The following ABCB1 variants were observed in gnomAD, a reference collection of about 807,000 sequenced individuals.
ABCB1 encodes ATP-dependent translocase ABCB1.
Under a neutral mutation model 142.0 loss-of-function variants are expected in ABCB1, and 69 were observed. That is an observed-to-expected ratio of 0.49 (90% CI 0.40 to 0.59). The LOEUF (loss-of-function observed/expected upper bound fraction) is 0.59. Ranked by LOEUF, ABCB1 falls within the 20% of genes least tolerant of loss-of-function variation. The pLI is 0.00. For missense variants in ABCB1, 1,326 were observed against 1,554.7 expected, an observed-to-expected ratio of 0.85 and a Z score of 2.47; for synonymous variants, 532 against 539.2, an observed-to-expected ratio of 0.99 and a Z score of 0.18.
chr7:87,682,235 A>G (rs1826997012), intron 1 of ABCB1, among the ~76,000 whole-genome samples: 2 of 152,182 alleles, frequency 1.3e-5, no homozygotes. Flanking sequence ...GACTCCTTCC[A>G]CCAAAGTCTT....
Position 87,666,569 on chromosome 7 carries a change from T to C in ABCB1, c.-331+46592A>G, listed in dbSNP as rs548075580. ...TTTTCATGAAATCTCTGCCCATTCCTATGTCCAGGATGGTATTTCCTATGT... is the reference window on the plus strand; with the variant it reads ...TTTTCATGAAATCTCTGCCCATTCCCATGTCCAGGATGGTATTTCCTATGT... On this transcript the variant is annotated intron_variant, in intron 1 of 28. Coordinates refer to the ABCB1 transcript ENST00000265724. Among the ~76,000 whole-genome samples, 21 of 152,308 alleles carry C rather than the reference T, an allele frequency of 1.4e-4. No individual in the cohort carries two copies. The East Asian group carries it at 3.9e-3, about 28-fold the overall frequency.
chr7:87,546,540 A>G (rs1254504132), intron 14 of ABCB1, among the ~76,000 whole-genome samples: 3 of 151,696 alleles, frequency 2.0e-5, no homozygotes, highest in African/African-American at 7.3e-5. Context: ...TGGGTGACAG[A>G]GTGAGACTCC....
At chr7:87,673,005 C>A (rs893271325) in intron 1 of ABCB1, among the ~76,000 whole-genome samples, 1 of 152,206 alleles carries the variant, frequency 6.6e-6, no homozygotes, top group Non-Finnish European at 1.5e-5. Flanking sequence ...GACTACTCCC[C>A]TGGAATTCCT....
rs770620028 is a variant in ABCB1, at chr7:87,505,925, G to C, written c.3608C>G (p.Thr1203Arg). ...TTCACTTTCTGTATCCAGAGCTGAC[G>C]TGGCTTCATCCAAAAGCAAAATATG... ...QPHILLLDEA[T>R]SALDTESEKV... Residue 1203 changes from threonine to arginine, a missense_variant, in exon 27 of 28, where the codon ACG becomes AGG. By Grantham distance (71) the Thr-to-Arg change is moderately conservative. Transcript: ENST00000622132. 1 of 1,614,130 alleles carries C rather than the reference G, an allele frequency of 6.2e-7. No homozygotes were observed. Among genetic ancestry groups the C allele is most frequent in the East Asian group, 2.2e-5 (1 of 44,884 alleles).
intron 26 of ABCB1, 85 bp downstream of exon 26, chr7:87,509,190 T>C (rs2117066349): frequency 7.1e-7 from 1 of 1,406,292 alleles, no homozygotes; most frequent in Non-Finnish European, 1.0e-6. Context: ...TCTTCACTTC[T>C]GGGAGACCAG....
intron 3 of ABCB1, among the ~76,000 whole-genome samples, chr7:87,587,743 C>T (rs763735490): frequency 4.3e-4 from 65 of 152,018 alleles, no homozygotes; most frequent in Middle Eastern, 6.8e-3. Flanking sequence ...GATGTGGTGG[C>T]AGGCGCCTGT....
chr7:87,534,878 G>A (rs997710732), intron 20 of ABCB1, among the ~76,000 whole-genome samples: 1 of 141,032 alleles, frequency 7.1e-6, no homozygotes, highest in Non-Finnish European at 1.5e-5. Context: ...TCATGCCACT[G>A]CAGTCTGGCC....
chr7:87,595,654 C>G, intron 3 of ABCB1, 112 bp downstream of exon 3: 1 of 837,152 alleles, frequency 1.2e-6, no homozygotes, highest in South Asian at 1.5e-5. Context: ...TTTTGCATCT[C>G]CATTAACATA....
At chr7:87,642,477 T>C (rs1822553878) in intron 1 of ABCB1, among the ~76,000 whole-genome samples, 1 of 152,132 alleles carries the variant, frequency 6.6e-6, no homozygotes, top group Non-Finnish European at 1.5e-5. Flanking sequence ...TCCAAGTATA[T>C]AAAGTGTTCT....
chr7:87,607,706 C>T (rs568403626), intron 1 of ABCB1, among the ~76,000 whole-genome samples: 3 of 151,416 alleles, frequency 2.0e-5, no homozygotes, highest in African/African-American at 7.3e-5. Flanking sequence ...TGTGCGCCAC[C>T]TTGCCTGGCT....
At position 87,549,914 on chromosome 7, in the gene ABCB1, C is replaced by T; in HGVS notation, c.1491G>A (p.Met497Ile). The change falls in exon 13 of 28, where the codon ATG becomes ATA. Residue 497 changes from methionine (M) to isoleucine (I), a missense_variant. Coordinates refer to ENST00000622132, the MANE Select transcript of ABCB1 (RefSeq NM_001348946.2). ...NIRYGRENVT[M>I]DEIEKAVKEA... is the part of the protein sequence containing the mutation. ...CCTTGACAGCTTTCTCAATCTCATCCATGGTGACATTTTCACGGCCATAGC... is the reference window on the plus strand; with the variant it reads ...CCTTGACAGCTTTCTCAATCTCATCTATGGTGACATTTTCACGGCCATAGC... The T allele has an allele frequency of 6.2e-7, 1 of 1,614,190 alleles. No homozygotes were observed. The highest frequency in any genetic ancestry group is 1.1e-5 in the South Asian group (1 of 91,080).
intron 1 of ABCB1, among the ~76,000 whole-genome samples, chr7:87,640,201 T>C (rs1250574376): frequency 6.7e-6 from 1 of 149,430 alleles, no homozygotes; most frequent in Admixed American, 6.7e-5. Context: ...TGTATATATA[T>C]ATATATATTA....
intron 3 of ABCB1, among the ~76,000 whole-genome samples, chr7:87,594,275 G>A (rs1400668828): frequency 2.0e-5 from 3 of 152,080 alleles, no homozygotes; most frequent in Admixed American, 1.3e-4. Context: ...TGTAAAACTG[G>A]AATAATAATA....
Position 87,516,498 on chromosome 7 carries a change from A to C in ABCB1, c.3084+11T>G. Reference sequence around the variant, plus strand: ...CAGGAGTAGATCAAACAGTTGAAACATCAAACTCACCGGCATTAGGCCTTC... The same window carrying C: ...CAGGAGTAGATCAAACAGTTGAAACCTCAAACTCACCGGCATTAGGCCTTC... On this transcript the variant is annotated intron_variant, in intron 24 of 27. Transcript: ENST00000622132. 1 of 1,614,178 alleles carries C rather than the reference A, an allele frequency of 6.2e-7. No homozygotes were observed. The highest frequency in any genetic ancestry group is 8.5e-7 in the Non-Finnish European group (1 of 1,180,000).
At chr7:87,588,978 C>G (rs746778190) in intron 3 of ABCB1, among the ~76,000 whole-genome samples, 3 of 152,070 alleles carry the variant, frequency 2.0e-5, no homozygotes. Flanking sequence ...CTTTGCCCAT[C>G]TTTTTATTGG....
intron 1 of ABCB1, among the ~76,000 whole-genome samples, chr7:87,631,054 G>A (rs1257958416): frequency 6.6e-6 from 1 of 152,136 alleles, no homozygotes; most frequent in Non-Finnish European, 1.5e-5. Context: ...CATAGATTTA[G>A]TGTAATAGCT....
intron 1 of ABCB1, among the ~76,000 whole-genome samples, chr7:87,684,071 C>T (rs1827203556): frequency 6.6e-6 from 1 of 152,092 alleles, no homozygotes; most frequent in African/African-American, 2.4e-5. Context: ...CATAGAAAAG[C>T]ATTTGACAAA....
intron 1 of ABCB1, among the ~76,000 whole-genome samples, chr7:87,613,019 T>TG (rs1007800116): frequency 8.3e-4 from 125 of 151,244 alleles, no homozygotes; most frequent in African/African-American, 3.0e-3. Context: ...GGGTTTTTTT[T>TG]TTTTTTTTAA....
Position 87,545,979 on chromosome 7 carries a change from T to C in ABCB1, c.1771A>G (p.Thr591Ala), listed in dbSNP as rs764459400. 56 of 1,614,026 alleles carry C rather than the reference T, an allele frequency of 3.5e-5. No homozygotes were observed. The South Asian group carries it at 6.0e-4, about 17-fold the overall frequency. ...GCGATGACGTCAGCATTACGAACTG[T>C]AGACAAACGATGAGCTATCACAATG... is the stretch of plus-strand genomic sequence containing the variant. ...TTIVIAHRLSTVRNADVIAGF... is the reference protein window; with the variant it reads ...TTIVIAHRLSAVRNADVIAGF... Residue 591 changes from threonine to alanine, a missense_variant, in exon 15 of 28, where the codon ACA (threonine) becomes GCA (alanine). Coordinates refer to ENST00000622132, the MANE Select transcript of ABCB1 (RefSeq NM_001348946.2).
Sources: allele counts gnomAD v4.1 joint callset (sites outside exome capture counted in the v4.1 genomes callset), GRCh38; gene constraint gnomAD v4.1.1; transcripts MANE v1.5; gene names NCBI Gene and HGNC (gene_info 2026-07-23, HGNC 2026-07-21).